GABRB1: variants seen among roughly 807,000 people sequenced by gnomAD.
GABRB1 encodes gamma-aminobutyric acid receptor subunit beta-1.
In GABRB1, 17 loss-of-function variants were observed where a neutral mutation model predicts 51.6. That is an observed-to-expected ratio of 0.33 (90% CI 0.23 to 0.49). The LOEUF (loss-of-function observed/expected upper bound fraction) is 0.49, where lower values mean the gene tolerates loss of function less well. Among genes scored for constraint, GABRB1 ranks in the 20% least tolerant of loss-of-function variants. The probability of loss-of-function intolerance (pLI) is 0.99; values close to 1 mark genes in which losing one functional copy is unlikely to be tolerated. For missense variants in GABRB1, 410 were observed against 600.6 expected, an observed-to-expected ratio of 0.68 and a Z score of 3.32; for synonymous variants, 247 against 218.9, an observed-to-expected ratio of 1.13 and a Z score of -1.14.
At chr4:47,236,919 A>G (rs1407123945) in intron 4 of GABRB1, among the ~76,000 whole-genome samples, 1 of 152,174 alleles carries the variant, frequency 6.6e-6, no homozygotes, top group South Asian at 2.1e-4. Context: ...TTAATGCATC[A>G]CTATAAAAGC....
intron 4 of GABRB1, among the ~76,000 whole-genome samples, chr4:47,291,438 C>T (rs1032413332): frequency 2.2e-4 from 34 of 152,226 alleles, no homozygotes; most frequent in Admixed American, 2.0e-3. Context: ...AGCCCCCCGA[C>T]CCACACAGAG....
intron 5 of GABRB1, among the ~76,000 whole-genome samples, chr4:47,328,668 C>T (rs938178012): frequency 6.6e-6 from 1 of 151,524 alleles, no homozygotes; most frequent in African/African-American, 2.4e-5. Flanking sequence ...ATCACAAGGA[C>T]GAAAAACCAA....
intron 4 of GABRB1, among the ~76,000 whole-genome samples, chr4:47,251,896 T>C (rs1722002833): frequency 6.6e-6 from 1 of 152,108 alleles, no homozygotes. Context: ...ACTTGAGAAC[T>C]TGCCCCAGGC....
chr4:47,301,701 T>C (rs1724269644), intron 4 of GABRB1, among the ~76,000 whole-genome samples: 1 of 151,990 alleles, frequency 6.6e-6, no homozygotes, highest in South Asian at 2.1e-4. Flanking sequence ...TACAGCTCAT[T>C]CAAAGGAGAA....
At chr4:47,266,208 GT>G (rs761619495) in intron 4 of GABRB1, among the ~76,000 whole-genome samples, 21 of 152,054 alleles carry the variant, frequency 1.4e-4, no homozygotes, top group Non-Finnish European at 2.8e-4. Flanking sequence ...CCTTTCCCCA[GT>G]TTGTTTTTGT....
rs1028404601 is a variant in GABRB1 at position 47,004,932 on chromosome 4, T to C, written c.-20+11006T>C. Among the ~76,000 whole-genome samples, 11 of 152,322 alleles carry C rather than the reference T, an allele frequency of 7.2e-5. 1 individual carries two copies. Among genetic ancestry groups the C allele is most frequent in the African/African-American group, 2.2e-4 (9 of 41,566 alleles). On this transcript the variant is annotated intron_variant, in intron 1 of 3. Coordinates refer to the GABRB1 transcript ENST00000513567. ...CGAAGGTCAATGGCATGCAGTGATT[T>C]GTAACTGTTGCTAAGGCATATATAG...
chr4:47,165,036 G>A (rs1718115298), intron 4 of GABRB1, among the ~76,000 whole-genome samples: 1 of 152,082 alleles, frequency 6.6e-6, no homozygotes, highest in Non-Finnish European at 1.5e-5. Context: ...TGTGCCGTAA[G>A]TTGTGTTAGG....
At chr4:47,397,709 G>T (rs112519699) in intron 5 of GABRB1, among the ~76,000 whole-genome samples, 2,621 of 152,154 alleles carry the variant, frequency 0.017, 75 homozygotes, top group Middle Eastern at 0.085. Flanking sequence ...TGAGATTACA[G>T]GTGCCTGCCA....
intron 4 of GABRB1, among the ~76,000 whole-genome samples, chr4:47,190,949 G>C (rs1226454918): frequency 6.6e-6 from 1 of 152,140 alleles, no homozygotes; most frequent in Non-Finnish European, 1.5e-5. Flanking sequence ...ACTTGTACAT[G>C]TAATTTTTCC....
chr4:47,273,039 T>C (rs1722935819), intron 4 of GABRB1, among the ~76,000 whole-genome samples: 1 of 152,094 alleles, frequency 6.6e-6, no homozygotes, highest in African/African-American at 2.4e-5. Flanking sequence ...ATAAACCAAG[T>C]ATCCATAATT....
chr4:47,338,964 T>A (rs78663811), intron 5 of GABRB1, among the ~76,000 whole-genome samples: 3,590 of 152,248 alleles, frequency 0.024, 170 homozygotes, highest in African/African-American at 0.081. Flanking sequence ...TAACTAATAC[T>A]TTGGGGAATC....
rs781781602 is a variant in GABRB1, at chr4:47,103,460, T to C, written c.241-57789T>C. ...AACACTTTTTGTGTAAAAACTGGTA[T>C]AGTGAGTTTCATACTTAGAAATGAT... On this transcript the variant is annotated intron_variant, in intron 3 of 8. Coordinates refer to ENST00000295454, the MANE Select transcript of GABRB1 (RefSeq NM_000812.4). 2.2e-4 allele frequency among the ~76,000 whole-genome samples: 34 copies of C among 152,110 alleles called. 2 individuals carry two copies. The Middle Eastern group carries it at 0.01, about 46-fold the overall frequency.
chr4:47,053,307 C>G (rs751665646), intron 3 of GABRB1, among the ~76,000 whole-genome samples: 5 of 152,150 alleles, frequency 3.3e-5, no homozygotes, highest in Non-Finnish European at 7.4e-5. Flanking sequence ...ATTCTGGAAA[C>G]TGGGAACGCC....
intron 4 of GABRB1, among the ~76,000 whole-genome samples, chr4:47,188,846 G>A (rs1719304841): frequency 6.6e-6 from 1 of 151,898 alleles, no homozygotes; most frequent in African/African-American, 2.4e-5. Flanking sequence ...ATCTGCTTTT[G>A]GTTTGGGCAT....
chr4:47,299,947 G>A (rs1578076292), intron 4 of GABRB1, among the ~76,000 whole-genome samples: 1 of 151,792 alleles, frequency 6.6e-6, no homozygotes, highest in Non-Finnish European at 1.5e-5. Flanking sequence ...GTAGGGACAT[G>A]GATGAAACTG....
At chr4:47,404,497 A>G (rs1300251665) in intron 7 of GABRB1, among the ~76,000 whole-genome samples, 5 of 116,384 alleles carry the variant, frequency 4.3e-5, no homozygotes, top group African/African-American at 1.9e-4. Flanking sequence ...ATGCACACAC[A>G]CACACACACA....
chr4:47,125,417 CAT>C (rs1236804340), intron 3 of GABRB1, among the ~76,000 whole-genome samples: 2 of 151,714 alleles, frequency 1.3e-5, no homozygotes, highest in South Asian at 2.1e-4. Flanking sequence ...TACAGGTAAA[CAT>C]ATAGTCAAAT....
At chr4:47,113,080 T>A (rs1715300734) in intron 3 of GABRB1, among the ~76,000 whole-genome samples, 1 of 152,150 alleles carries the variant, frequency 6.6e-6, no homozygotes, top group East Asian at 1.9e-4. Flanking sequence ...AAATGCTGAA[T>A]GTCACAGAAA....
At chr4:47,316,776 C>G (rs1247088606) in intron 4 of GABRB1, among the ~76,000 whole-genome samples, 2 of 151,922 alleles carry the variant, frequency 1.3e-5, no homozygotes, top group Non-Finnish European at 2.9e-5. Flanking sequence ...TTTCCCAATT[C>G]AGGGTAGCCT....
Sources: allele counts gnomAD v4.1 joint callset (sites outside exome capture counted in the v4.1 genomes callset), GRCh38; gene constraint gnomAD v4.1.1; transcripts MANE v1.5; gene names NCBI Gene and HGNC (gene_info 2026-07-23, HGNC 2026-07-21).